MAP3K7CL: variants seen among roughly 807,000 people sequenced by gnomAD.
The protein encoded by MAP3K7CL is MAP3K7 C-terminal like, also known as MAP3K7 C-terminal-like protein.
MAP3K7CL carries 16 observed loss-of-function variants against 18.6 expected under a neutral mutation model. That is an observed-to-expected ratio of 0.86 (90% CI 0.58 to 1.31). MAP3K7CL has a LOEUF of 1.31. MAP3K7CL is among the 50% of genes most tolerant of loss of function. The pLI is 0.00. For synonymous variants in MAP3K7CL, 65 were observed against 66.8 expected, an observed-to-expected ratio of 0.97 and a Z score of 0.13; for missense variants, 163 against 174.4, an observed-to-expected ratio of 0.93 and a Z score of 0.37.
intron 4 of MAP3K7CL, among the ~76,000 whole-genome samples, chr21:29,114,942 T>C (rs2832188): frequency 0.083 from 12,589 of 152,250 alleles, 674 homozygotes; most frequent in Non-Finnish European, 0.12. Context: ...TGCTTCTCTC[T>C]ACAGGAGACT....
At chr21:29,082,916 C>T (rs1461664683), upstream of MAP3K7CL, among the ~76,000 whole-genome samples, 3 of 151,786 alleles carry the variant, frequency 2.0e-5, no homozygotes, top group East Asian at 1.9e-4. Context: ...ATTAAGGTGT[C>T]ATTTTGATGT....
chr21:29,098,577 A>G (rs1001848408), intron 4 of MAP3K7CL, among the ~76,000 whole-genome samples: 1 of 152,236 alleles, frequency 6.6e-6, no homozygotes, highest in African/African-American at 2.4e-5. Context: ...CAAAGAAGCG[A>G]TCTTCTTTAA....
intron 1 of MAP3K7CL, among the ~76,000 whole-genome samples, chr21:29,090,388 G>GTT (rs1029813984): frequency 1.7e-4 from 25 of 148,832 alleles, no homozygotes; most frequent in African/African-American, 6.1e-4. Flanking sequence ...TTGTTTTGTT[G>GTT]TTTTTTTTTT....
intron 3 of MAP3K7CL, among the ~76,000 whole-genome samples, chr21:29,157,050 G>A (rs1430346049): frequency 2.0e-5 from 3 of 152,192 alleles, no homozygotes; most frequent in Non-Finnish European, 4.4e-5. Context: ...TGGTAGCACT[G>A]CTTAGAAGAT....
At chr21:29,158,459 A>G (rs1357309534) in intron 3 of MAP3K7CL, among the ~76,000 whole-genome samples, 11 of 152,262 alleles carry the variant, frequency 7.2e-5, no homozygotes, top group African/African-American at 2.2e-4. Context: ...GAACTGGGAC[A>G]TAACAGATGT....
chr21:29,094,025 T>C (rs942632333), intron 4 of MAP3K7CL, among the ~76,000 whole-genome samples: 1 of 152,242 alleles, frequency 6.6e-6, no homozygotes, highest in African/African-American at 2.4e-5. Context: ...GTGAATATCA[T>C]TTTTGTAAGT....
chr21:29,109,230 C>T (rs750233834), intron 4 of MAP3K7CL: 71 of 1,534,706 alleles, frequency 4.6e-5, no homozygotes, highest in African/African-American at 8.2e-5. Context: ...CTATGAGCTC[C>T]GAGGAAGAAG....
chr21:29,082,424 G>A (rs887777456), upstream of MAP3K7CL, among the ~76,000 whole-genome samples: 5 of 152,112 alleles, frequency 3.3e-5, no homozygotes, highest in African/African-American at 9.7e-5. Context: ...TACTGTATTA[G>A]GCAGGGATTG....
Position 29,174,966 on chromosome 21 carries a change from G to T in MAP3K7CL, c.*74G>T. 1 of 1,397,474 alleles carries T rather than the reference G, an allele frequency of 7.2e-7. No homozygotes were observed. The highest frequency in any genetic ancestry group is 1.4e-5 in the African/African-American group (1 of 69,482). 86.6% of individuals were successfully genotyped at this position (1,397,474 alleles called of 1,614,324 possible). A position where few individuals can be genotyped will look rare whatever the true frequency, so the allele number is the denominator to read the frequency against. On this transcript the variant is annotated 3_prime_UTR_variant, in exon 5 of 5. Transcript: ENST00000399928. ...TGGCCAAAAGATTTTTATTTTAAATGAATAGTGAGTCAGATCTATTGCTTC... is the reference window on the plus strand; with the variant it reads ...TGGCCAAAAGATTTTTATTTTAAATTAATAGTGAGTCAGATCTATTGCTTC...
intron 3 of MAP3K7CL, 105 bp downstream of exon 3, chr21:29,149,355 A>T: frequency 4.1e-6 from 4 of 977,938 alleles, no homozygotes; most frequent in Non-Finnish European, 4.9e-6. Context: ...TGGACCCAGA[A>T]TGTGGGGCTT....
upstream of MAP3K7CL, among the ~76,000 whole-genome samples, chr21:29,081,638 G>A (rs895072900): frequency 7.2e-5 from 11 of 152,070 alleles, no homozygotes; most frequent in East Asian, 3.8e-4. Flanking sequence ...TATTTCCCAT[G>A]TCTCCCTTTG....
intron 4 of MAP3K7CL, among the ~76,000 whole-genome samples, chr21:29,114,769 G>C (rs970886156): frequency 6.6e-6 from 1 of 152,222 alleles, no homozygotes; most frequent in African/African-American, 2.4e-5. Context: ...AACTCTCAGA[G>C]ACTGTAGGGT....
chr21:29,126,212 C>A (rs1269092175), upstream of MAP3K7CL, among the ~76,000 whole-genome samples: 1 of 152,238 alleles, frequency 6.6e-6, no homozygotes, highest in African/African-American at 2.4e-5. Flanking sequence ...GATGTTCGAT[C>A]TGGAGAGGCT....
At chr21:29,110,965 G>C (rs1050582114) in intron 4 of MAP3K7CL, among the ~76,000 whole-genome samples, 1 of 152,074 alleles carries the variant, frequency 6.6e-6, no homozygotes, top group East Asian at 1.9e-4. Context: ...TGTAAAAAAT[G>C]TTCCTTGGGG....
intron 1 of MAP3K7CL, chr21:29,091,391 A>G: frequency 3.4e-6 from 2 of 585,266 alleles, no homozygotes; most frequent in Admixed American, 6.5e-5. Context: ...AAGTCACTCT[A>G]GTTCCCTCCA....
At chr21:29,092,626 T>A (rs535696212) in intron 4 of MAP3K7CL, 1 of 1,607,226 alleles carries the variant, frequency 6.2e-7, no homozygotes, top group South Asian at 1.1e-5. Context: ...TTCTGAAGGC[T>A]TTTTACACAC....
intron 3 of MAP3K7CL, chr21:29,092,334 A>C: frequency 1.5e-6 from 2 of 1,347,424 alleles, no homozygotes; most frequent in Non-Finnish European, 2.1e-6. Context: ...AGAGGAGGCA[A>C]GAGGTTTCAA....
At chr21:29,170,214 C>G (rs2087790680) in intron 4 of MAP3K7CL, among the ~76,000 whole-genome samples, 2 of 152,148 alleles carry the variant, frequency 1.3e-5, no homozygotes, top group South Asian at 4.1e-4. Flanking sequence ...GACATTTTGA[C>G]AGTTTTCATT....
intron 1 of MAP3K7CL, 102 bp downstream of exon 1, chr21:29,131,025 GT>G: frequency 1.4e-6 from 1 of 725,808 alleles, no homozygotes; most frequent in Non-Finnish European, 1.7e-6. Flanking sequence ...CCTGTGGTTC[GT>G]TTCCCCAGAC....
Sources: gnomAD v4.1 joint callset for allele counts (sites outside exome capture counted in the v4.1 genomes callset) on GRCh38, gnomAD v4.1.1 for gene constraint, MANE v1.5 for transcripts, NCBI Gene and HGNC (gene_info 2026-07-23, HGNC 2026-07-21) for gene names.